PTPRD: variants seen among roughly 807,000 people sequenced by gnomAD.
The protein encoded by PTPRD is protein tyrosine phosphatase receptor type D.
PTPRD carries 34 observed loss-of-function variants against 214.5 expected under a neutral mutation model. That is an observed-to-expected ratio of 0.16 (90% CI 0.12 to 0.21). The LOEUF (loss-of-function observed/expected upper bound fraction) is 0.21. PTPRD is among the 10% of genes least tolerant of loss of function. The pLI, the probability that PTPRD is intolerant of heterozygous loss-of-function variation, is 1.00. For synonymous variants in PTPRD, 1,128 were observed against 845.7 expected (o/e 1.33, Z -5.79); for missense variants, 2,545 against 2,398.7 (o/e 1.06, Z -1.27).
chr9:10,409,191 A>T (rs2098408539), intron 2 of PTPRD, among the ~76,000 whole-genome samples: 1 of 151,824 alleles, frequency 6.6e-6, no homozygotes, highest in Non-Finnish European at 1.5e-5. Context: ...AAGTGTGCCA[A>T]CTTCTGTTAT....
intron 8 of PTPRD, among the ~76,000 whole-genome samples, chr9:9,407,467 G>A (rs1422838212): frequency 6.6e-6 from 1 of 151,606 alleles, no homozygotes; most frequent in Non-Finnish European, 1.5e-5. Context: ...TATCTACATT[G>A]AGTATACCAG....
intron 9 of PTPRD, among the ~76,000 whole-genome samples, chr9:9,388,799 T>C (rs1202998758): frequency 1.3e-5 from 2 of 152,156 alleles, no homozygotes; most frequent in African/African-American, 2.4e-5. Context: ...TTCTCCAAGA[T>C]AATTTCTCAA....
In PTPRD at chr9:9,880,333, G is replaced by C. The variant is rs1280175785; in HGVS notation, c.-368+58174C>G. 5.3e-5 allele frequency among the ~76,000 whole-genome samples: 8 copies of C among 152,244 alleles called. No homozygotes were observed. In the East Asian group the frequency reaches 1.5e-3, roughly 29 times the overall value. On this transcript the variant is annotated intron_variant, in intron 5 of 45. Coordinates refer to ENST00000381196, the MANE Select transcript of PTPRD (RefSeq NM_002839.4). Reference sequence around the variant, plus strand: ...TCAGGTAGTATTTTTATAGCAGTGTGAGAATGGACTAAAACAAGATGCCTA... The same window carrying C: ...TCAGGTAGTATTTTTATAGCAGTGTCAGAATGGACTAAAACAAGATGCCTA...
chr9:9,122,223 A>G (rs1401450781), intron 10 of PTPRD, among the ~76,000 whole-genome samples: 1 of 152,194 alleles, frequency 6.6e-6, no homozygotes, highest in Non-Finnish European at 1.5e-5. Flanking sequence ...TATTATTTCT[A>G]GCTTTGCTGA....
chr9:9,604,479 T>C (rs1293262016), intron 7 of PTPRD, among the ~76,000 whole-genome samples: 1 of 152,076 alleles, frequency 6.6e-6, no homozygotes, highest in Non-Finnish European at 1.5e-5. Flanking sequence ...TGTTTTAGAA[T>C]GTATGCTTTC....
intron 21 of PTPRD, among the ~76,000 whole-genome samples, chr9:8,510,880 T>A (rs1280689131): frequency 1.3e-5 from 2 of 152,116 alleles, no homozygotes; most frequent in East Asian, 3.9e-4. Context: ...TATATGTATA[T>A]AAGAAAACAC....
At chr9:10,432,642 A>C (rs1478233607) in intron 2 of PTPRD, among the ~76,000 whole-genome samples, 1 of 151,866 alleles carries the variant, frequency 6.6e-6, no homozygotes, top group African/African-American at 2.4e-5. Flanking sequence ...CAGTATTACA[A>C]CCTGATCATT....
intron 2 of PTPRD, among the ~76,000 whole-genome samples, chr9:10,598,845 T>C (rs1280536771): frequency 1.3e-5 from 2 of 151,394 alleles, no homozygotes; most frequent in Non-Finnish European, 3.0e-5. Context: ...GTAGATGATA[T>C]AAAGAAAGGA....
At chr9:10,475,412 T>C (rs988022876) in intron 2 of PTPRD, among the ~76,000 whole-genome samples, 1 of 151,834 alleles carries the variant, frequency 6.6e-6, no homozygotes, top group Admixed American at 6.6e-5. Flanking sequence ...CCTGGACACA[T>C]AAACCCTCCC....
At chr9:8,420,425 A>C (rs556423364) in intron 35 of PTPRD, among the ~76,000 whole-genome samples, 1 of 152,296 alleles carries the variant, frequency 6.6e-6, no homozygotes, top group African/African-American at 2.4e-5. Context: ...TAAAATTTTT[A>C]GAATTGGTCT....
intron 8 of PTPRD, among the ~76,000 whole-genome samples, chr9:9,404,381 T>C (rs889136308): frequency 6.6e-6 from 1 of 152,020 alleles, no homozygotes; most frequent in Admixed American, 6.6e-5. Context: ...TGGAGAAAAC[T>C]GGAGAGATTG....
intron 9 of PTPRD, among the ~76,000 whole-genome samples, chr9:9,274,152 T>C (rs1457037627): frequency 1.3e-5 from 2 of 151,204 alleles, no homozygotes; most frequent in Non-Finnish European, 3.0e-5. Context: ...ACAGCTGTGC[T>C]CAAATCCTAC....
chr9:9,224,635 T>G (rs1440994435), intron 9 of PTPRD, among the ~76,000 whole-genome samples: 1 of 152,000 alleles, frequency 6.6e-6, no homozygotes, highest in South Asian at 2.1e-4. Flanking sequence ...TTTATATCTT[T>G]ATGACTTACA....
chr9:10,380,084 A>T (rs1463242849), intron 2 of PTPRD, among the ~76,000 whole-genome samples: 1 of 152,092 alleles, frequency 6.6e-6, no homozygotes, highest in Non-Finnish European at 1.5e-5. Context: ...CTCAGTCATC[A>T]GAGTGGCTGA....
At chr9:9,876,011 G>A (rs2153725229) in intron 5 of PTPRD, among the ~76,000 whole-genome samples, 1 of 152,090 alleles carries the variant, frequency 6.6e-6, no homozygotes, top group Non-Finnish European at 1.5e-5. Flanking sequence ...GTTTGCAGGT[G>A]CTTAATTCAT....
chr9:9,743,771 A>ACACACACACAC (rs1218520561), intron 6 of PTPRD, among the ~76,000 whole-genome samples: 2,934 of 118,682 alleles, frequency 0.025, 64 homozygotes, highest in African/African-American at 0.042. Context: ...CACACACACA[A>ACACACACACAC]TTTATACTGA....
At chr9:9,399,321 G>A (rs573472796) in intron 8 of PTPRD, among the ~76,000 whole-genome samples, 6 of 152,020 alleles carry the variant, frequency 3.9e-5, no homozygotes, top group African/African-American at 1.2e-4. Flanking sequence ...ATAGTTCAAC[G>A]TTCAGCTTCT....
chr9:8,916,137 A>G (rs909802576), intron 11 of PTPRD, among the ~76,000 whole-genome samples: 9 of 152,160 alleles, frequency 5.9e-5, no homozygotes, highest in African/African-American at 2.2e-4. Context: ...AAGTGGAATT[A>G]TCAATGGATA....
At chr9:10,389,178 T>G (rs2097998852) in intron 2 of PTPRD, among the ~76,000 whole-genome samples, 1 of 151,826 alleles carries the variant, frequency 6.6e-6, no homozygotes, top group Admixed American at 6.6e-5. Flanking sequence ...CTGCAAACCC[T>G]ATTAAAGAGA....
Sources: allele counts gnomAD v4.1 joint callset (sites outside exome capture counted in the v4.1 genomes callset), GRCh38; gene constraint gnomAD v4.1.1; transcripts MANE v1.5; gene names NCBI Gene and HGNC (gene_info 2026-07-23, HGNC 2026-07-21).